MCTP2: variants seen among roughly 807,000 people sequenced by gnomAD.
MCTP2 encodes multiple C2 and transmembrane domain-containing protein 2.
A neutral mutation model predicts 111.6 loss-of-function variants in MCTP2; 132 were observed. The observed-to-expected ratio is 1.18, with a 90% CI of 1.03 to 1.37. MCTP2 has a LOEUF of 1.37. Ranked by LOEUF, MCTP2 falls within the 40% of genes most tolerant of loss-of-function variation. MCTP2 has a pLI of 0.00. For synonymous variants in MCTP2, 395 were observed against 387.7 expected (o/e 1.02, Z -0.22); for missense variants, 1,183 against 1,067.9 (o/e 1.11, Z -1.50).
Position 94,268,383 on chromosome 15 carries a change from G to T in MCTP2, c.-65-29818G>T, listed in dbSNP as rs1455822947. Among the ~76,000 whole-genome samples, 3 of 148,144 alleles carry T rather than the reference G, an allele frequency of 2.0e-5. No homozygotes were observed. The East Asian group carries it at 5.9e-4, about 29-fold the overall frequency. ...TTTTTGTATTTTTAGTAGAGACGGG[G>T]TTTCACCACGTTGGCCAGGTTTAGT... On this transcript the variant is annotated intron_variant, in intron 1 of 22. Transcript: ENST00000357742.
intron 1 of MCTP2, among the ~76,000 whole-genome samples, chr15:94,297,745 C>T (rs2075340961): frequency 6.6e-6 from 1 of 152,172 alleles, no homozygotes; most frequent in South Asian, 2.1e-4. Context: ...ATCTGGCCCA[C>T]CAAGTCTAAA....
Position 94,246,581 on chromosome 15 carries a change from G to T in MCTP2, c.-66+14917G>T, listed in dbSNP as rs142583760. Among the ~76,000 whole-genome samples, 380 of 152,188 alleles carry T rather than the reference G, an allele frequency of 2.5e-3. 1 individual carries two copies. The highest frequency in any genetic ancestry group is 8.7e-3 in the African/African-American group (363 of 41,542). On this transcript the variant is annotated intron_variant, in intron 1 of 22. Coordinates refer to ENST00000357742, the MANE Select transcript of MCTP2 (RefSeq NM_001385001.1). Reference sequence around the variant, plus strand: ...CCTCCCTTAATAGAACCTAATAATTGCTTCATATTTAAAAACTCATTTGCA... The same window carrying T: ...CCTCCCTTAATAGAACCTAATAATTTCTTCATATTTAAAAACTCATTTGCA...
At chr15:94,360,587 G>C (rs1030973864) in intron 10 of MCTP2, among the ~76,000 whole-genome samples, 9 of 152,222 alleles carry the variant, frequency 5.9e-5, no homozygotes, top group African/African-American at 2.2e-4. Context: ...TGGCCAGCGT[G>C]TTGTTTTAGT....
At chr15:94,338,383 G>A (rs949428944) in intron 4 of MCTP2, among the ~76,000 whole-genome samples, 9 of 151,482 alleles carry the variant, frequency 5.9e-5, no homozygotes, top group Middle Eastern at 3.4e-3. Context: ...TCCTTCCACC[G>A]TTCACTAGGT....
chr15:94,274,112 T>C (rs567555334), intron 1 of MCTP2: 2 of 164,458 alleles, frequency 1.2e-5, no homozygotes, highest in Admixed American at 1.3e-4. Context: ...CCTATTTTGT[T>C]ACCACTGGTT....
Position 94,335,916 on chromosome 15 carries a change from C to T in MCTP2, c.638-3374C>T, listed in dbSNP as rs74028583. On this transcript the variant is annotated intron_variant, in intron 4 of 22. Transcript: ENST00000357742. Reference sequence around the variant, plus strand: ...GGTATATTAGACAAATGAGAATCCGCGAAGAGTACTAGAGGAGAGATTTTA... The same window carrying T: ...GGTATATTAGACAAATGAGAATCCGTGAAGAGTACTAGAGGAGAGATTTTA... 3.5e-3 allele frequency among the ~76,000 whole-genome samples: 532 copies of T among 151,964 alleles called. 3 individuals are homozygous for T. The highest frequency in any genetic ancestry group is 0.012 in the African/African-American group (482 of 41,408).
chr15:94,320,484 G>T (rs961455747), intron 4 of MCTP2, among the ~76,000 whole-genome samples: 1 of 152,004 alleles, frequency 6.6e-6, no homozygotes, highest in African/African-American at 2.4e-5. Flanking sequence ...TATAACTGAT[G>T]GTTTATACAC....
chr15:94,248,237 G>T (rs1191749727), intron 1 of MCTP2, among the ~76,000 whole-genome samples: 1 of 152,006 alleles, frequency 6.6e-6, no homozygotes, highest in African/African-American at 2.4e-5. Flanking sequence ...CCTTGAATAA[G>T]GAAACAAAAT....
chr15:94,261,144 T>C (rs1215820589), intron 1 of MCTP2, among the ~76,000 whole-genome samples: 1 of 152,158 alleles, frequency 6.6e-6, no homozygotes, highest in Admixed American at 6.5e-5. Flanking sequence ...TTGTCCCACC[T>C]TTCTGGACCA....
chr15:94,240,704 G>A (rs2070884505), intron 1 of MCTP2, among the ~76,000 whole-genome samples: 1 of 152,126 alleles, frequency 6.6e-6, no homozygotes, highest in Non-Finnish European at 1.5e-5. Context: ...TATATATGAA[G>A]CTGGGTAATC....
intron 4 of MCTP2, 76 bp from the exon 5 acceptor site, chr15:94,339,214 G>T: frequency 8.9e-7 from 1 of 1,125,228 alleles, no homozygotes; most frequent in South Asian, 1.7e-5. Context: ...AGTGGGGAAA[G>T]GATCTTTATT....
At chr15:94,466,067 A>T (rs1025123339) in intron 20 of MCTP2, among the ~76,000 whole-genome samples, 1 of 152,102 alleles carries the variant, frequency 6.6e-6, no homozygotes, top group African/African-American at 2.4e-5. Flanking sequence ...CTTAACTTCA[A>T]TTATTATGGT....
intron 1 of MCTP2, among the ~76,000 whole-genome samples, chr15:94,244,002 TGC>T (rs2071430098): frequency 6.8e-6 from 1 of 146,352 alleles, no homozygotes; most frequent in Non-Finnish European, 1.5e-5. Flanking sequence ...TATATATTTA[TGC>T]ACACATATGT....
At chr15:94,243,174 CGT>C (rs2071187090) in intron 1 of MCTP2, among the ~76,000 whole-genome samples, 1 of 144,114 alleles carries the variant, frequency 6.9e-6, no homozygotes, top group Non-Finnish European at 1.5e-5. Flanking sequence ...TACATACGTA[CGT>C]ATGTACGTAT....
chr15:94,390,475 A>G (rs1243139599), intron 14 of MCTP2, among the ~76,000 whole-genome samples: 1 of 152,034 alleles, frequency 6.6e-6, no homozygotes, highest in African/African-American at 2.4e-5. Context: ...CTTATTTAAT[A>G]TTTTTATCCT....
chr15:94,305,892 TTTTTCTCCTCA>T (rs1213143025), intron 2 of MCTP2, among the ~76,000 whole-genome samples: 1 of 152,176 alleles, frequency 6.6e-6, no homozygotes, highest in African/African-American at 2.4e-5. Context: ...TTATCTAGTT[TTTTTCTCCTCA>T]TTTTCTCCTC....
intron 1 of MCTP2, among the ~76,000 whole-genome samples, chr15:94,244,497 TA>T (rs2071571464): frequency 6.8e-6 from 1 of 147,480 alleles, no homozygotes; most frequent in African/African-American, 2.5e-5. Flanking sequence ...CGTATATGTA[TA>T]CACATACATA....
intron 1 of MCTP2, among the ~76,000 whole-genome samples, chr15:94,246,058 A>G (rs927736867): frequency 3.3e-5 from 5 of 152,146 alleles, no homozygotes; most frequent in East Asian, 3.9e-4. Flanking sequence ...GTCTGGAAGA[A>G]TGGGAGGGAC....
At chr15:94,334,780 T>G (rs563941130) in intron 4 of MCTP2, among the ~76,000 whole-genome samples, 1 of 152,238 alleles carries the variant, frequency 6.6e-6, no homozygotes, top group Admixed American at 6.5e-5. Flanking sequence ...ACTCCTGGCC[T>G]CAAGTGATCC....
Sources: allele counts gnomAD v4.1 joint callset (sites outside exome capture counted in the v4.1 genomes callset), GRCh38; gene constraint gnomAD v4.1.1; transcripts MANE v1.5; gene names NCBI Gene and HGNC (gene_info 2026-07-23, HGNC 2026-07-21).